The following BEND7 variants were observed in gnomAD, a reference collection of about 807,000 sequenced individuals.
BEND7 encodes the protein BEN domain-containing protein 7.
A neutral mutation model predicts 50.9 loss-of-function variants in BEND7; 28 were observed. The ratio of observed to expected loss-of-function variants is 0.55; its 90% CI spans 0.41 to 0.75. BEND7 has a LOEUF of 0.75. BEND7 is among the 30% of genes least tolerant of loss of function. The pLI, the probability that BEND7 is intolerant of heterozygous loss-of-function variation, is 0.00. For synonymous variants in BEND7, 170 were observed against 183.9 expected, an observed-to-expected ratio of 0.92 and a Z score of 0.61; for missense variants, 477 against 491.3, an observed-to-expected ratio of 0.97 and a Z score of 0.28.
chr10:13,510,043 G>A (rs1003743876), intron 2 of BEND7, among the ~76,000 whole-genome samples: 2 of 152,146 alleles, frequency 1.3e-5, no homozygotes, highest in Non-Finnish European at 2.9e-5. Context: ...AAGCAACAAA[G>A]TCTGAAACCA....
chr10:13,506,041 C>T (rs568291932), intron 2 of BEND7, among the ~76,000 whole-genome samples: 6 of 152,294 alleles, frequency 3.9e-5, no homozygotes, highest in South Asian at 2.1e-4. Flanking sequence ...CAAAGATCAT[C>T]GGGTACAAAT....
rs140869026 is a variant in BEND7, at chr10:13,476,227, T to C, written c.1063+4672A>G. On this transcript the variant is annotated intron_variant, in intron 6 of 8. Coordinates refer to ENST00000466271, the MANE Select transcript of BEND7 (RefSeq NM_001369863.1). ...GTCATTTCTGCAGAGCCTGTGAAAG[T>C]GTGACAGCAAAAGCGGCCAGGCACC... is the stretch of plus-strand genomic sequence containing the variant. 2.9e-3 allele frequency among the ~76,000 whole-genome samples: 444 copies of C among 152,138 alleles called. 2 individuals are homozygous for C. Among genetic ancestry groups the C allele is most frequent in the Non-Finnish European group, 5.0e-3 (338 of 68,010 alleles).
intron 5 of BEND7, among the ~76,000 whole-genome samples, chr10:13,483,700 A>T (rs2076026663): frequency 6.6e-6 from 1 of 152,170 alleles, no homozygotes; most frequent in African/African-American, 2.4e-5. Context: ...TAGGAATCTG[A>T]AGGCTGGTTC....
chr10:13,526,859 A>C (rs1304243187), intron 1 of BEND7, among the ~76,000 whole-genome samples: 3 of 152,206 alleles, frequency 2.0e-5, no homozygotes, highest in African/African-American at 7.2e-5. Context: ...CAGACCTATA[A>C]TTAAAAGAAA....
chr10:13,469,643 A>G (rs12572847), intron 6 of BEND7, among the ~76,000 whole-genome samples: 14,625 of 151,950 alleles, frequency 0.096, 738 homozygotes, highest in Middle Eastern at 0.13. Flanking sequence ...CGCCCAGCTA[A>G]TTTTTCTATT....
chr10:13,447,819 A>G (rs1343116570), intron 7 of BEND7, among the ~76,000 whole-genome samples: 1 of 152,110 alleles, frequency 6.6e-6, no homozygotes, highest in East Asian at 1.9e-4. Flanking sequence ...ACCTCATTCT[A>G]TTGATCACTG....
intron 2 of BEND7, among the ~76,000 whole-genome samples, chr10:13,514,864 C>G (rs2078548671): frequency 6.6e-6 from 1 of 152,150 alleles, no homozygotes; most frequent in African/African-American, 2.4e-5. Context: ...TTAAAAGGTA[C>G]CTGAACCTTG....
At chr10:13,459,748 AT>A (rs1379199929) in intron 6 of BEND7, 19 of 152,390 alleles carry the variant, frequency 1.2e-4, no homozygotes, top group African/African-American at 4.3e-4. Context: ...GTAATATGCA[AT>A]GCAGAGGTGA....
intron 2 of BEND7, among the ~76,000 whole-genome samples, chr10:13,522,344 C>A (rs1056668249): frequency 6.6e-6 from 1 of 152,242 alleles, no homozygotes; most frequent in African/African-American, 2.4e-5. Flanking sequence ...TGAGCCTTGG[C>A]TTTGCCTGGC....
rs1471932336 is a variant in BEND7, at chr10:13,528,886, G to A, written c.-353C>T. 1 of 143,082 alleles carries A rather than the reference G, an allele frequency of 7.0e-6. No homozygotes were observed. Among genetic ancestry groups the A allele is most frequent in the African/African-American group, 2.5e-5 (1 of 39,780 alleles). 8.9% of individuals were successfully genotyped at this position (143,082 alleles called of 1,614,324 possible). A position where few individuals can be genotyped will look rare whatever the true frequency, so the allele number is the denominator to read the frequency against. ...TCCGTTGGGAGCGGGCCGGGCCGGG[G>A]CGCGGCGGCGGCGGCGGAGGCGGGG... On this transcript the variant is annotated 5_prime_UTR_variant, in exon 1 of 9. Transcript: ENST00000466271.
At chr10:13,471,017 A>G (rs1283176454) in intron 6 of BEND7, among the ~76,000 whole-genome samples, 2 of 152,152 alleles carry the variant, frequency 1.3e-5, no homozygotes, top group African/African-American at 2.4e-5. Context: ...TCGGCATTTG[A>G]TATACTTCTC....
downstream of BEND7, chr10:13,439,421 CTGAGG>C (rs1214423566): frequency 1.2e-6 from 2 of 1,614,146 alleles, no homozygotes; most frequent in South Asian, 2.2e-5. Context: ...GTGACATTGT[CTGAGG>C]TGAGCTCTGC....
rs1835396339 is a variant in BEND7, at chr10:13,442,002, G to C, written c.1235-252C>G. On this transcript the variant is annotated intron_variant, in intron 8 of 8. Coordinates refer to ENST00000466271, the MANE Select transcript of BEND7 (RefSeq NM_001369863.1). ...CTTCTCTCATCTTTGATGACTGGCT[G>C]GTCTTTGGTGGAACAGGGATTTATC... is the stretch of plus-strand genomic sequence containing the variant. The C allele has an allele frequency of 1.0e-5, 5 of 493,386 alleles. No homozygotes were observed. In the South Asian group the frequency reaches 1.6e-4, roughly 15 times the overall value. The allele number at this position is 493,386 out of a possible 1,614,324, so 30.6% of individuals were successfully genotyped here.
intron 2 of BEND7, 56 bp downstream of exon 2, chr10:13,526,082 C>T: frequency 1.1e-6 from 1 of 947,584 alleles, no homozygotes; most frequent in Non-Finnish European, 1.4e-6. Context: ...TTTTTTCCCC[C>T]TAATTGCAAA....
At chr10:13,528,266 G>T (rs1273133146) in intron 1 of BEND7, among the ~76,000 whole-genome samples, 3 of 151,920 alleles carry the variant, frequency 2.0e-5, no homozygotes, top group East Asian at 1.9e-4. Context: ...ACTTGTTTAC[G>T]TTAAATAACA....
chr10:13,488,711 T>A (rs541641359), intron 5 of BEND7, among the ~76,000 whole-genome samples: 7,004 of 152,242 alleles, frequency 0.046, 507 homozygotes, highest in African/African-American at 0.16. Flanking sequence ...ACTGTCTCAA[T>A]CTCCTGACCT....
chr10:13,480,520 T>C (rs1412064104), intron 6 of BEND7: 1 of 602,694 alleles, frequency 1.7e-6, no homozygotes, highest in Non-Finnish European at 2.1e-6. Flanking sequence ...TTTATCTTTT[T>C]TTTTTTTTTA....
At chr10:13,520,276 C>T (rs1003945510) in intron 2 of BEND7, among the ~76,000 whole-genome samples, 1 of 152,290 alleles carries the variant, frequency 6.6e-6, no homozygotes, top group South Asian at 2.1e-4. Context: ...AGGCAGTAAA[C>T]AAGCCCTAGC....
rs77705769 is a variant in BEND7 at position 13,518,763 on chromosome 10, G to A, written c.145+7375C>T. Among the ~76,000 whole-genome samples the A allele has an allele frequency of 5.0e-3, 769 of 152,296 alleles. 48 individuals carry two copies. The East Asian group carries it at 0.12, about 24-fold the overall frequency. ...TTAAAGTTAAATGAGGCATCTTTTA[G>A]TTTGGCTCACTAAATGTCTCTAAAA... On this transcript the variant is annotated intron_variant, in intron 2 of 8. Transcript: ENST00000466271.
Sources: allele counts gnomAD v4.1 joint callset (sites outside exome capture counted in the v4.1 genomes callset), GRCh38; gene constraint gnomAD v4.1.1; transcripts MANE v1.5; gene names NCBI Gene and HGNC (gene_info 2026-07-23, HGNC 2026-07-21).